GRID1: variants seen among roughly 807,000 people sequenced by gnomAD.
GRID1 encodes glutamate receptor ionotropic, delta-1.
In GRID1, 28 loss-of-function variants were observed where a neutral mutation model predicts 98.0. That is an observed-to-expected ratio of 0.29 (90% confidence interval 0.21 to 0.39). The LOEUF is 0.39. Among genes scored for constraint, GRID1 ranks in the 10% least tolerant of loss-of-function variants. GRID1 has a pLI of 1.00. For missense variants in GRID1, 1,111 were observed against 1,340.5 expected (o/e 0.83, Z 2.67); for synonymous variants, 553 against 538.5 (o/e 1.03, Z -0.37).
At chr10:86,189,158 G>T (rs1845766564) in intron 3 of GRID1, among the ~76,000 whole-genome samples, 2 of 152,144 alleles carry the variant, frequency 1.3e-5, no homozygotes, top group South Asian at 4.1e-4. Context: ...CTGCAGCTCA[G>T]ATATTATGTG....
At chr10:86,259,258 A>G (rs1846973360) in intron 2 of GRID1, among the ~76,000 whole-genome samples, 2 of 152,192 alleles carry the variant, frequency 1.3e-5, no homozygotes, top group Admixed American at 1.3e-4. Context: ...CAGCCCTAAC[A>G]GTTTAACCCA....
Position 85,726,590 on chromosome 10 carries a change from A to G in GRID1, c.1533+1265T>C, listed in dbSNP as rs145400415. ...TTGTCTGGCCACCCATAGAGGACGCAGTATCAGAAAGGCACAGAAGCTGCA... is the reference window on the plus strand; with the variant it reads ...TTGTCTGGCCACCCATAGAGGACGCGGTATCAGAAAGGCACAGAAGCTGCA... On this transcript the variant is annotated intron_variant, in intron 10 of 15. Transcript: ENST00000327946. Among the ~76,000 whole-genome samples, 427 of 152,316 alleles carry G rather than the reference A, an allele frequency of 2.8e-3. 3 individuals are homozygous for G. The highest frequency in any genetic ancestry group is 4.9e-3 in the Non-Finnish European group (330 of 68,020).
intron 8 of GRID1, among the ~76,000 whole-genome samples, chr10:85,775,556 G>T (rs938887665): frequency 6.6e-6 from 1 of 152,052 alleles, no homozygotes; most frequent in African/African-American, 2.4e-5. Flanking sequence ...AGGGGAGAGT[G>T]GCAAGTGTTG....
intron 13 of GRID1, among the ~76,000 whole-genome samples, chr10:85,631,636 G>T (rs892414496): frequency 2.6e-5 from 4 of 152,138 alleles, no homozygotes; most frequent in African/African-American, 7.2e-5. Flanking sequence ...CAAAACTAGG[G>T]ACTATAAACA....
chr10:85,943,267 T>A (rs959328209), intron 4 of GRID1, among the ~76,000 whole-genome samples: 1 of 152,142 alleles, frequency 6.6e-6, no homozygotes, highest in Non-Finnish European at 1.5e-5. Context: ...AATGATTATT[T>A]AATAAGGAAA....
chr10:85,773,716 C>T, intron 8 of GRID1, among the ~76,000 whole-genome samples: 1 of 152,292 alleles, frequency 6.6e-6, no homozygotes, highest in African/African-American at 2.4e-5. Flanking sequence ...AGTGAACTCT[C>T]ATTTACAATT....
chr10:85,674,151 C>T (rs192041471), intron 12 of GRID1, among the ~76,000 whole-genome samples: 12 of 152,274 alleles, frequency 7.9e-5, no homozygotes, highest in South Asian at 2.1e-4. Context: ...ATATTTCCAA[C>T]GGGATGGGTA....
intron 2 of GRID1, among the ~76,000 whole-genome samples, chr10:86,225,932 T>C (rs889356163): frequency 4.6e-5 from 7 of 152,080 alleles, no homozygotes; most frequent in African/African-American, 1.7e-4. Context: ...CTGCAGGCAT[T>C]CGTGGGGTCT....
At chr10:85,786,317 C>T (rs1008870247) in intron 8 of GRID1, among the ~76,000 whole-genome samples, 2 of 152,204 alleles carry the variant, frequency 1.3e-5, no homozygotes, top group African/African-American at 2.4e-5. Context: ...AGAAACTGGG[C>T]GCTGAGGGCA....
intron 12 of GRID1, among the ~76,000 whole-genome samples, chr10:85,700,728 C>T (rs972066323): frequency 3.3e-5 from 5 of 152,250 alleles, no homozygotes; most frequent in African/African-American, 1.2e-4. Flanking sequence ...AATGAACATA[C>T]CTCATACTCA....
At chr10:86,222,287 C>G (rs1164777587) in intron 2 of GRID1, among the ~76,000 whole-genome samples, 2 of 152,210 alleles carry the variant, frequency 1.3e-5, no homozygotes, top group Non-Finnish European at 2.9e-5. Context: ...AAGGGGCACA[C>G]TCTGCCCACC....
Position 85,807,218 on chromosome 10 carries a change from C to T in GRID1, c.1233+47278G>A, listed in dbSNP as rs192708246. ...TACAAAAATTAGCCAGGTGTGGTGG[C>T]GCGCACCTGTAGTCTCAGCTACTCG... On this transcript the variant is annotated intron_variant, in intron 8 of 15. Transcript: ENST00000327946. Among the ~76,000 whole-genome samples, 230 of 151,836 alleles carry T rather than the reference C, an allele frequency of 1.5e-3. 1 individual carries two copies. Among genetic ancestry groups the T allele is most frequent in the African/African-American group, 5.1e-3 (212 of 41,374 alleles).
chr10:85,662,916 C>T (rs1239325648), intron 12 of GRID1, among the ~76,000 whole-genome samples: 2 of 152,042 alleles, frequency 1.3e-5, no homozygotes, highest in African/African-American at 4.8e-5. Flanking sequence ...CCTCCAGCAG[C>T]CGCTCCGATA....
intron 2 of GRID1, among the ~76,000 whole-genome samples, chr10:86,250,186 G>T (rs1846798648): frequency 6.6e-6 from 1 of 152,182 alleles, no homozygotes; most frequent in African/African-American, 2.4e-5. Flanking sequence ...GCTTCCAGTG[G>T]CCAAAATCTC....
chr10:86,261,811 C>G (rs1847020067), intron 2 of GRID1, among the ~76,000 whole-genome samples: 1 of 152,150 alleles, frequency 6.6e-6, no homozygotes, highest in African/African-American at 2.4e-5. Context: ...GCATCCAGGT[C>G]ATCCTGCTCC....
At chr10:86,017,227 A>G (rs375847864) in intron 4 of GRID1, among the ~76,000 whole-genome samples, 2 of 152,264 alleles carry the variant, frequency 1.3e-5, no homozygotes, top group African/African-American at 4.8e-5. Context: ...TATGGGAATA[A>G]CAACTGAAAA....
At chr10:86,269,186 T>C (rs1410760452) in intron 2 of GRID1, among the ~76,000 whole-genome samples, 2 of 152,136 alleles carry the variant, frequency 1.3e-5, no homozygotes, top group Admixed American at 6.5e-5. Flanking sequence ...ATAAAAAGTG[T>C]CTAGAACATT....
chr10:86,275,155 G>A (rs1449557947), intron 2 of GRID1, among the ~76,000 whole-genome samples: 1 of 152,084 alleles, frequency 6.6e-6, no homozygotes, highest in East Asian at 1.9e-4. Flanking sequence ...GGAATTATCT[G>A]TCAAAACATT....
chr10:86,161,255 C>T (rs145751760), intron 3 of GRID1, among the ~76,000 whole-genome samples: 1 of 152,130 alleles, frequency 6.6e-6, no homozygotes, highest in Non-Finnish European at 1.5e-5. Context: ...AAATCCGGGG[C>T]CTGACATCCT....
Sources: allele counts gnomAD v4.1 joint callset (sites outside exome capture counted in the v4.1 genomes callset), GRCh38; gene constraint gnomAD v4.1.1; transcripts MANE v1.5; gene names NCBI Gene and HGNC (gene_info 2026-07-23, HGNC 2026-07-21).